Variants in LPAR3 observed in about 807,000 individuals in gnomAD.
LPAR3 encodes the protein LPA receptor 3.
LPAR3 carries 7 observed loss-of-function variants against 17.8 expected under a neutral mutation model. That is an observed-to-expected ratio of 0.39 (90% CI 0.22 to 0.74). The LOEUF (loss-of-function observed/expected upper bound fraction) is 0.74, where lower values mean the gene tolerates loss of function less well. LPAR3 is among the 30% of genes least tolerant of loss of function. The pLI is 0.40. For missense variants in LPAR3, 391 were observed against 453.4 expected, an observed-to-expected ratio of 0.86 and a Z score of 1.25; for synonymous variants, 179 against 179.9, an observed-to-expected ratio of 0.99 and a Z score of 0.04.
chr1:84,849,475 G>T (rs2102758157), intron 2 of LPAR3, among the ~76,000 whole-genome samples: 1 of 151,694 alleles, frequency 6.6e-6, no homozygotes, highest in East Asian at 1.9e-4. Context: ...GAGGAAGACT[G>T]TTCTGGATAT....
intron 2 of LPAR3, among the ~76,000 whole-genome samples, chr1:84,838,005 T>C (rs1302443035): frequency 6.6e-6 from 1 of 152,168 alleles, no homozygotes; most frequent in East Asian, 1.9e-4. Context: ...CCTACTAGTA[T>C]AAGGTGATGT....
chr1:84,864,912 C>A (rs541443715), intron 2 of LPAR3, among the ~76,000 whole-genome samples: 1 of 152,120 alleles, frequency 6.6e-6, no homozygotes, highest in Non-Finnish European at 1.5e-5. Context: ...TCCCTCTGCT[C>A]GATCCATGCA....
intron 2 of LPAR3, among the ~76,000 whole-genome samples, chr1:84,815,675 A>G (rs973748342): frequency 3.3e-5 from 5 of 152,162 alleles, no homozygotes; most frequent in African/African-American, 1.2e-4. Flanking sequence ...CTCAGCCTCC[A>G]TTCCCTCCTT....
chr1:84,832,718 T>TCA (rs71817581), intron 2 of LPAR3, among the ~76,000 whole-genome samples: 15,375 of 152,204 alleles, frequency 0.1, 909 homozygotes, highest in East Asian at 0.18. Context: ...AGTGCACGTT[T>TCA]CACCCAAAGA....
At chr1:84,879,133 A>G (rs1456857291) in intron 1 of LPAR3, among the ~76,000 whole-genome samples, 1 of 152,092 alleles carries the variant, frequency 6.6e-6, no homozygotes, top group Non-Finnish European at 1.5e-5. Flanking sequence ...CTCCATTTCT[A>G]AAAAGTCATG....
chr1:84,866,805 T>C (rs1660059328), intron 1 of LPAR3, among the ~76,000 whole-genome samples: 1 of 152,208 alleles, frequency 6.6e-6, no homozygotes, highest in South Asian at 2.1e-4. Flanking sequence ...ATATTAGGTA[T>C]ATGATGCAGG....
At chr1:84,876,409 A>G (rs1660258681) in intron 1 of LPAR3, among the ~76,000 whole-genome samples, 1 of 152,096 alleles carries the variant, frequency 6.6e-6, no homozygotes. Context: ...AAGAGATTGG[A>G]AGGCAGGGAG....
At chr1:84,825,863 T>A (rs1444209777) in intron 2 of LPAR3, among the ~76,000 whole-genome samples, 1 of 152,034 alleles carries the variant, frequency 6.6e-6, no homozygotes, top group Non-Finnish European at 1.5e-5. Context: ...ACTCAGAAAA[T>A]CTGATAATGA....
rs577241947 is a variant in LPAR3 at position 84,860,793 on chromosome 1, C to T, written c.736+4592G>A. On this transcript the variant is annotated intron_variant, in intron 2 of 2. Coordinates refer to ENST00000370611, the MANE Select transcript of LPAR3 (RefSeq NM_012152.3). ...TCTCACTGTCACCCAGGCTGGAGTG[C>T]GGGGGCGCCATCTTGGCTCACTGCA... Among the ~76,000 whole-genome samples the T allele has an allele frequency of 1.4e-4, 18 of 131,616 alleles. 1 individual carries two copies. Among genetic ancestry groups the T allele is most frequent in the South Asian group, 4.6e-4 (2 of 4,302 alleles). 86.3% of individuals were successfully genotyped at this position (131,616 alleles called of 152,430 possible).
chr1:84,814,882 C>A (rs1183205230), intron 2 of LPAR3, among the ~76,000 whole-genome samples: 1 of 152,178 alleles, frequency 6.6e-6, no homozygotes, highest in Non-Finnish European at 1.5e-5. Flanking sequence ...TCAGACTCTG[C>A]AATTGAATAT....
At chr1:84,881,010 A>G (rs912988237) in intron 1 of LPAR3, among the ~76,000 whole-genome samples, 39 of 152,220 alleles carry the variant, frequency 2.6e-4, no homozygotes, top group African/African-American at 3.6e-4. Flanking sequence ...CTTGTCTTCA[A>G]TTCTTCTGAA....
At chr1:84,839,082 C>T (rs1273036660) in intron 2 of LPAR3, among the ~76,000 whole-genome samples, 2 of 152,104 alleles carry the variant, frequency 1.3e-5, no homozygotes, top group Non-Finnish European at 2.9e-5. Context: ...GCCATTTAAC[C>T]CTCACATCAA....
rs914397694 is a variant in LPAR3, at chr1:84,888,020, A to G, written c.-19+4996T>C. Among the ~76,000 whole-genome samples the G allele has an allele frequency of 5.1e-4, 78 of 151,966 alleles. 4 individuals are homozygous for G. On this transcript the variant is annotated intron_variant, in intron 1 of 2. Coordinates refer to ENST00000370611, the MANE Select transcript of LPAR3 (RefSeq NM_012152.3). ...GATTTGATGGGTGTACGCTGGTTAT[A>G]TAGGAGGACAGAGTGCTTGCTTTTT...
At chr1:84,840,365 A>G (rs1351844813) in intron 2 of LPAR3, among the ~76,000 whole-genome samples, 1 of 152,252 alleles carries the variant, frequency 6.6e-6, no homozygotes, top group Non-Finnish European at 1.5e-5. Context: ...TGCTGGTCCT[A>G]GAATTAAATA....
At chr1:84,820,444 G>A (rs559287894) in intron 2 of LPAR3, among the ~76,000 whole-genome samples, 15 of 152,298 alleles carry the variant, frequency 9.8e-5, no homozygotes, top group East Asian at 1.9e-4. Context: ...GGTCTCAGTC[G>A]AAGTGACACT....
In LPAR3 at chr1:84,823,125, A is replaced by G. The variant is rs561217774; in HGVS notation, c.737-8954T>C. On this transcript the variant is annotated intron_variant, in intron 2 of 2. Coordinates refer to ENST00000370611, the MANE Select transcript of LPAR3 (RefSeq NM_012152.3). The stretch of plus-strand genomic sequence containing the variant: ...TTTGTGGACCTCAACCTAGGGAGGC[A>G]TTCTTCTTATTTGAAAAGGAATTTT... Among the ~76,000 whole-genome samples the G allele has an allele frequency of 3.0e-4, 46 of 152,312 alleles. 1 individual carries two copies. In the South Asian group the frequency reaches 8.3e-3, roughly 27 times the overall value.
At chr1:84,815,232 G>A (rs975326150) in intron 2 of LPAR3, among the ~76,000 whole-genome samples, 5 of 152,154 alleles carry the variant, frequency 3.3e-5, no homozygotes, top group African/African-American at 1.2e-4. Context: ...CACAGGCTGT[G>A]CCCTGGGCCA....
chr1:84,874,720 T>C (rs1660222069), intron 1 of LPAR3, among the ~76,000 whole-genome samples: 2 of 152,172 alleles, frequency 1.3e-5, no homozygotes, highest in Non-Finnish European at 2.9e-5. Context: ...GACTAATACA[T>C]CTTGTCCCTT....
Position 84,811,910 on chromosome 1 carries a change from G to A in LPAR3, c.*1936C>T, listed in dbSNP as rs558076836. ...TAAATGTTTTACATAGAAAACTCTC[G>A]TTGGTAGCCTGTGTGTATGAAACAT... is the stretch of plus-strand genomic sequence containing the variant. On this transcript the variant is annotated 3_prime_UTR_variant, in exon 3 of 3. Coordinates refer to ENST00000370611, the MANE Select transcript of LPAR3 (RefSeq NM_012152.3). 10 of 152,110 alleles carry A rather than the reference G, an allele frequency of 6.6e-5. No individual in the cohort carries two copies. The highest frequency in any genetic ancestry group is 2.1e-4 in the South Asian group (1 of 4,808). 9.4% of individuals were successfully genotyped at this position (152,110 alleles called of 1,614,324 possible).
Sources: allele counts gnomAD v4.1 joint callset (sites outside exome capture counted in the v4.1 genomes callset), GRCh38; gene constraint gnomAD v4.1.1; transcripts MANE v1.5; gene names NCBI Gene and HGNC (gene_info 2026-07-23, HGNC 2026-07-21).